LSM8: variants seen among roughly 807,000 people sequenced by gnomAD.
LSM8 encodes the protein LSM8 U6 small nuclear RNA associated.
A neutral mutation model predicts 15.0 loss-of-function variants in LSM8; 14 were observed. The observed-to-expected ratio is 0.93, with a 90% confidence interval of 0.62 to 1.46. LSM8 has a LOEUF of 1.46. Among genes scored for constraint, LSM8 ranks in the 40% most tolerant of loss-of-function variants. LSM8 has a pLI of 0.00. For missense variants in LSM8, 90 were observed against 115.4 expected (o/e 0.78, Z 1.01); for synonymous variants, 50 against 42.1 (o/e 1.19, Z -0.73).
chr7:118,187,857 A>G (rs1808913475), intron 2 of LSM8, among the ~76,000 whole-genome samples: 1 of 152,236 alleles, frequency 6.6e-6, no homozygotes, highest in South Asian at 2.1e-4. Context: ...CATATAGCAT[A>G]TAGTGATACT....
Position 118,195,575 on chromosome 7 carries a change from A to G in LSM8, c.*3573A>G, listed in dbSNP as rs1171441225. Among the ~76,000 whole-genome samples the G allele has an allele frequency of 6.6e-6, 1 of 152,218 alleles. No homozygotes were observed. Among genetic ancestry groups the G allele is most frequent in the African/African-American group, 2.4e-5 (1 of 41,472 alleles). On this transcript the variant is annotated 3_prime_UTR_variant, in exon 4 of 4. Transcript: ENST00000249299. Reference sequence around the variant, plus strand: ...GTAAGTTTACAGTATTAAGAAATGTACAATAAAATTTGTTTCTATGTCAGC... The same window carrying G: ...GTAAGTTTACAGTATTAAGAAATGTGCAATAAAATTTGTTTCTATGTCAGC...
intron 1 of LSM8, 171 bp downstream of exon 1, chr7:118,184,425 T>C (rs1808848491): frequency 2.8e-6 from 2 of 710,844 alleles, no homozygotes; most frequent in Admixed American, 4.0e-5. Flanking sequence ...GCCTTCCCGC[T>C]GCTGCGGGCC....
rs1437074933 is a variant in LSM8 at position 118,203,154 on chromosome 7, C to G, written c.*11152C>G. Among the ~76,000 whole-genome samples the G allele has an allele frequency of 6.6e-6, 1 of 151,802 alleles. No homozygotes were observed. Among genetic ancestry groups the G allele is most frequent in the Non-Finnish European group, 1.5e-5 (1 of 67,864 alleles). ...ACATTTAATGAAAGGATTTAACTCCCAAACTCCAAAGCAAGATGTTCTAAG... is the reference window on the plus strand; with the variant it reads ...ACATTTAATGAAAGGATTTAACTCCGAAACTCCAAAGCAAGATGTTCTAAG... On this transcript the variant is annotated 3_prime_UTR_variant, in exon 4 of 4. Transcript: ENST00000249299.
chr7:118,188,496 A>G (rs1808924187), intron 3 of LSM8, 91 bp downstream of exon 3: 7 of 1,140,824 alleles, frequency 6.1e-6, no homozygotes, highest in South Asian at 3.3e-5. Flanking sequence ...TGTATTGTCC[A>G]TACATAGTTA....
chr7:118,191,684 C>CCTGTA, intron 3 of LSM8: 1 of 457,754 alleles, frequency 2.2e-6, no homozygotes, highest in Non-Finnish European at 3.9e-6. Flanking sequence ...AATATTGGTT[C>CCTGTA]CTGTAATAAT....
rs566297833 is a variant in LSM8 at position 118,195,948 on chromosome 7, T to C, written c.*3946T>C. Among the ~76,000 whole-genome samples the C allele has an allele frequency of 6.6e-6, 1 of 152,342 alleles. No individual in the cohort carries two copies. The highest frequency in any genetic ancestry group is 2.1e-4 in the South Asian group (1 of 4,828). On this transcript the variant is annotated 3_prime_UTR_variant, in exon 4 of 4. Transcript: ENST00000249299. ...TGAGATATCTAGTACTTATGCTCCA[T>C]CCTGTTTATAGGGATTATTGATGTG... is the stretch of plus-strand genomic sequence containing the variant.
In LSM8 at chr7:118,187,748, TTTC is replaced by T. The variant is rs1217994879; in HGVS notation, c.73-524_73-522del. Among the ~76,000 whole-genome samples the T allele has an allele frequency of 7.2e-5, 11 of 152,222 alleles. No individual in the cohort carries two copies. The East Asian group carries it at 1.9e-3, about 27-fold the overall frequency. ...TAAGACACACCATTCTGTGCCTCAG[TTTC>T]TTCTTTGAAATGGGGCTAATTATAG... On this transcript the variant is annotated intron_variant, in intron 2 of 3. Transcript: ENST00000249299.
chr7:118,188,250 C>CT (rs1562861501), intron 2 of LSM8, 28 bp from the exon 3 acceptor site: 2 of 1,609,576 alleles, frequency 1.2e-6, no homozygotes, highest in Admixed American at 3.3e-5. Context: ...GAATATTTCT[C>CT]TTTTTCTCCT....
At position 118,201,927 on chromosome 7, in the gene LSM8, T is replaced by A; in HGVS notation, c.*9925T>A. On this transcript the variant is annotated 3_prime_UTR_variant, in exon 4 of 4. Coordinates refer to ENST00000249299, the MANE Select transcript of LSM8 (RefSeq NM_016200.5). ...ACAAGTAATCTTCCAGCACAAATTT[T>A]ATAAACAAATGCCCTGTGAATCTGC... Among the ~76,000 whole-genome samples, 1 of 152,112 alleles carries A rather than the reference T, an allele frequency of 6.6e-6. No individual in the cohort carries two copies. The highest frequency in any genetic ancestry group is 1.9e-4 in the East Asian group (1 of 5,192).
Position 118,202,283 on chromosome 7 carries a change from C to A in LSM8, c.*10281C>A, listed in dbSNP as rs1273837086. Among the ~76,000 whole-genome samples the A allele has an allele frequency of 6.6e-6, 1 of 151,982 alleles. No individual in the cohort carries two copies. On this transcript the variant is annotated 3_prime_UTR_variant, in exon 4 of 4. Coordinates refer to ENST00000249299, the MANE Select transcript of LSM8 (RefSeq NM_016200.5). ...AGTTAGAATGGTATTTGGCTATAAG[C>A]ACTGGAAACTCTGACTGCCAGTGGC...
In LSM8 at chr7:118,198,431, CATT is replaced by C. The variant is rs1395193517; in HGVS notation, c.*6431_*6433del. On this transcript the variant is annotated 3_prime_UTR_variant, in exon 4 of 4. Transcript: ENST00000249299. ...GAAAGAAGAATAAACCTTAACAACTCATTAGTAATCCTTCATTTCCTGAGTATT... is the reference window on the plus strand; with the variant it reads ...GAAAGAAGAATAAACCTTAACAACTCAGTAATCCTTCATTTCCTGAGTATT... 6.6e-6 allele frequency among the ~76,000 whole-genome samples: 1 copy of C among 152,124 alleles called. No homozygotes were observed. Among genetic ancestry groups the C allele is most frequent in the African/African-American group, 2.4e-5 (1 of 41,442 alleles).
chr7:118,187,338 T>C (rs1808904571), intron 2 of LSM8, among the ~76,000 whole-genome samples: 1 of 152,246 alleles, frequency 6.6e-6, no homozygotes, highest in Admixed American at 6.5e-5. Flanking sequence ...TACTCTGTTA[T>C]GCTAGACCCA....
chr7:118,194,018 A>C lies in LSM8; in HGVS notation c.*2016A>C, dbSNP rs1436826368. On this transcript the variant is annotated 3_prime_UTR_variant, in exon 4 of 4. Transcript: ENST00000249299. The stretch of plus-strand genomic sequence containing the variant: ...ACAGAGGATGTGATGACAATATGCC[A>C]GATAATCTATGTAATTCTTTATTCC... 1.3e-5 allele frequency among the ~76,000 whole-genome samples: 2 copies of C among 152,150 alleles called. No homozygotes were observed. The highest frequency in any genetic ancestry group is 2.9e-5 in the Non-Finnish European group (2 of 67,984).
rs1239314416 is a variant in LSM8, at chr7:118,196,433, G to A, written c.*4431G>A. Among the ~76,000 whole-genome samples the A allele has an allele frequency of 6.6e-6, 1 of 151,862 alleles. No homozygotes were observed. Among genetic ancestry groups the A allele is most frequent in the Non-Finnish European group, 1.5e-5 (1 of 68,006 alleles). ...ATTTTTTTTCTTTTAAGATTGCTAA[G>A]TCTGTAGGTTGCATAATTCTAAGGA... is the stretch of plus-strand genomic sequence containing the variant. On this transcript the variant is annotated 3_prime_UTR_variant, in exon 4 of 4. Transcript: ENST00000249299.
Sources: allele counts gnomAD v4.1 joint callset (sites outside exome capture counted in the v4.1 genomes callset), GRCh38; gene constraint gnomAD v4.1.1; transcripts MANE v1.5; gene names NCBI Gene and HGNC (gene_info 2026-07-23, HGNC 2026-07-21).